DIAPH2: variants seen among roughly 807,000 people sequenced by gnomAD.
DIAPH2 encodes the protein diaphanous related formin 2.
Under a neutral mutation model 92.7 loss-of-function variants are expected in DIAPH2, and 35 were observed. That is an observed-to-expected ratio of 0.38 (90% CI 0.29 to 0.50). The LOEUF (loss-of-function observed/expected upper bound fraction) is 0.50. Among genes scored for constraint, DIAPH2 ranks in the 20% least tolerant of loss-of-function variants. The probability of loss-of-function intolerance (pLI) is 0.94; values close to 1 mark genes in which losing one functional copy is unlikely to be tolerated. For missense variants in DIAPH2, 701 were observed against 819.5 expected (o/e 0.86, Z 1.77); for synonymous variants, 301 against 280.4 (o/e 1.07, Z -0.73).
At chrX:96,822,873 A>G (rs1387991125) in intron 4 of DIAPH2, among the ~76,000 whole-genome samples, 1 of 112,327 alleles carries the variant, frequency 8.9e-6, no homozygotes, top group East Asian at 2.8e-4. Flanking sequence ...ATATAGCAAC[A>G]TGAAACATGT....
At chrX:96,790,793 A>G (rs977475359) in intron 4 of DIAPH2, among the ~76,000 whole-genome samples, 1 of 111,738 alleles carries the variant, frequency 8.9e-6, no homozygotes, top group Non-Finnish European at 1.9e-5. Context: ...CTATAAAAAT[A>G]TAGTAGTCTT....
In DIAPH2 at chrX:96,937,214, T is replaced by C; in HGVS notation, c.1090-19T>C. On this transcript the variant is annotated intron_variant, in intron 10 of 26. Coordinates refer to ENST00000324765, the MANE Select transcript of DIAPH2 (RefSeq NM_006729.5). ...GTCAAACTGTTATTCATGTGTTAAA[T>C]TTTATGTTTATATATTAGGATCTAA... 1 of 963,611 alleles carries C rather than the reference T, an allele frequency of 1.0e-6. No homozygotes were observed. The highest frequency in any genetic ancestry group is 2.6e-5 in the South Asian group (1 of 37,845). 79.4% of individuals were successfully genotyped at this position (963,611 alleles called of 1,213,427 possible).
In DIAPH2 at chrX:97,103,176, G is replaced by A. The variant is rs780928699; in HGVS notation, c.2349+3381G>A. ...TATGCACTGCCTACTTTAGGTGGTAGTATCTCTTGCCTGCTTTCCTTCTGT... is the reference window on the plus strand; with the variant it reads ...TATGCACTGCCTACTTTAGGTGGTAATATCTCTTGCCTGCTTTCCTTCTGT... On this transcript the variant is annotated intron_variant, in intron 20 of 26. Coordinates refer to ENST00000324765, the MANE Select transcript of DIAPH2 (RefSeq NM_006729.5). 2.7e-5 allele frequency among the ~76,000 whole-genome samples: 3 copies of A among 111,623 alleles called. No individual in the cohort carries two copies. The East Asian group carries it at 8.4e-4, about 31-fold the overall frequency.
intron 9 of DIAPH2, among the ~76,000 whole-genome samples, chrX:96,929,841 C>T (rs1203471118): frequency 9.1e-6 from 1 of 110,401 alleles, no homozygotes; most frequent in Non-Finnish European, 1.9e-5. Flanking sequence ...ATTTAAATGG[C>T]ATCTTTTCAG....
chrX:97,144,939 A>G (rs2067234397), intron 22 of DIAPH2, among the ~76,000 whole-genome samples: 1 of 110,751 alleles, frequency 9.0e-6, no homozygotes, highest in African/African-American at 3.3e-5. Flanking sequence ...TAATTTTTGT[A>G]CTTTTTTAGT....
intron 22 of DIAPH2, among the ~76,000 whole-genome samples, chrX:97,234,646 A>G (rs745850088): frequency 3.6e-5 from 4 of 112,299 alleles, no homozygotes; most frequent in Non-Finnish European, 7.5e-5. Context: ...GCTGTTTTTC[A>G]ATAAAACTTT....
chrX:96,998,548 T>A (rs1174966917), intron 17 of DIAPH2, among the ~76,000 whole-genome samples: 1 of 112,276 alleles, frequency 8.9e-6, no homozygotes, highest in African/African-American at 3.2e-5. Context: ...GTTTTTTAAT[T>A]GTCTTTGATG....
chrX:96,873,683 T>A (rs868725961), intron 4 of DIAPH2, among the ~76,000 whole-genome samples: 2 of 106,334 alleles, frequency 1.9e-5, no homozygotes, highest in East Asian at 3.0e-4. Context: ...CACACACATA[T>A]AAAAATATAT....
At chrX:97,424,790 T>C (rs181194085) in intron 25 of DIAPH2, among the ~76,000 whole-genome samples, 3 of 109,993 alleles carry the variant, frequency 2.7e-5, no homozygotes, top group Non-Finnish European at 5.7e-5. Context: ...CTATTTTTTT[T>C]TCTTTTGTAT....
At chrX:97,141,836 A>G (rs764827369) in intron 22 of DIAPH2, 42 bp downstream of exon 22, 2 of 1,122,434 alleles carry the variant, frequency 1.8e-6, no homozygotes, top group Admixed American at 2.9e-5. Context: ...TCTTGCCTAT[A>G]TGGTTTAAAT....
intron 17 of DIAPH2, among the ~76,000 whole-genome samples, chrX:97,023,261 T>G (rs886798270): frequency 6.3e-5 from 7 of 111,666 alleles, no homozygotes; most frequent in Admixed American, 5.7e-4. Context: ...CTTTCTTTGT[T>G]TCTAATATTT....
At chrX:97,001,999 T>A (rs1304211216) in intron 17 of DIAPH2, among the ~76,000 whole-genome samples, 2 of 110,762 alleles carry the variant, frequency 1.8e-5, no homozygotes, top group Non-Finnish European at 3.8e-5. Context: ...ATAGATATAA[T>A]TAGCTTTTCT....
At chrX:97,097,734 C>T (rs774895327) in intron 19 of DIAPH2, among the ~76,000 whole-genome samples, 4 of 111,247 alleles carry the variant, frequency 3.6e-5, no homozygotes, top group African/African-American at 9.8e-5. Flanking sequence ...ATTCAAGTTA[C>T]CAAACTGAGT....
rs7886637 is a variant in DIAPH2, at chrX:97,337,906, C to T, written c.2845-10210C>T. On this transcript the variant is annotated intron_variant, in intron 23 of 26. Coordinates refer to ENST00000324765, the MANE Select transcript of DIAPH2 (RefSeq NM_006729.5). ...TTTTTTTTTTTGAAACTGAGTTTCG[C>T]TCGTTGCTCAGGCTGGAGTGCAGTG... Among the ~76,000 whole-genome samples the T allele has an allele frequency of 6.2e-3, 646 of 103,507 alleles. 2 individuals carry two copies. Among genetic ancestry groups the T allele is most frequent in the African/African-American group, 0.022 (608 of 27,961 alleles). 89.9% of individuals were successfully genotyped at this position (103,507 alleles called of 115,157 possible). A position where few individuals can be genotyped will look rare whatever the true frequency, so the allele number is the denominator to read the frequency against.
intron 25 of DIAPH2, among the ~76,000 whole-genome samples, chrX:97,404,717 G>GA (rs1461026872): frequency 1.3e-4 from 14 of 111,502 alleles, no homozygotes; most frequent in Admixed American, 2.9e-4. Context: ...TTATCAAAAG[G>GA]AAAAAAATGC....
Position 96,927,282 on chromosome X carries a change from ATTTTT to A in DIAPH2, c.979-3435_979-3431del, listed in dbSNP as rs5903060. Among the ~76,000 whole-genome samples the A allele has an allele frequency of 7.8e-3, 641 of 82,118 alleles. 8 individuals carry two copies. The highest frequency in any genetic ancestry group is 0.027 in the African/African-American group (608 of 22,474). 71.3% of individuals were successfully genotyped at this position (82,118 alleles called of 115,157 possible). On this transcript the variant is annotated intron_variant, in intron 9 of 26. Coordinates refer to ENST00000324765, the MANE Select transcript of DIAPH2 (RefSeq NM_006729.5). Reference sequence around the variant, plus strand: ...GATTATTTTCTGTCTCTGGAGTTGAATTTTTTTTTTTTTTTTTTTTGGAAAGCAGA... The same window carrying A: ...GATTATTTTCTGTCTCTGGAGTTGAATTTTTTTTTTTTTTTGGAAAGCAGA...
intron 1 of DIAPH2, among the ~76,000 whole-genome samples, chrX:96,718,368 T>G (rs1436605174): frequency 1.3e-3 from 99 of 77,167 alleles, no homozygotes; most frequent in African/African-American, 4.3e-3. Flanking sequence ...TTTTTTTTTT[T>G]TTTTTTATGG....
chrX:97,472,112 A>G (rs947017854), intron 26 of DIAPH2, among the ~76,000 whole-genome samples: 1 of 112,259 alleles, frequency 8.9e-6, no homozygotes, highest in African/African-American at 3.2e-5. Flanking sequence ...TAACACTACT[A>G]CATTTTTAAA....
At chrX:97,029,062 C>T (rs762034782) in intron 17 of DIAPH2, among the ~76,000 whole-genome samples, 4 of 111,224 alleles carry the variant, frequency 3.6e-5, no homozygotes, top group East Asian at 2.8e-4. Context: ...CTAATGATTT[C>T]GAGCAGCATT....
Sources: allele counts gnomAD v4.1 joint callset (sites outside exome capture counted in the v4.1 genomes callset), GRCh38; gene constraint gnomAD v4.1.1; transcripts MANE v1.5; gene names NCBI Gene and HGNC (gene_info 2026-07-23, HGNC 2026-07-21).